EML1: variants seen among roughly 807,000 people sequenced by gnomAD.
EML1 encodes EMAP like 1.
EML1 carries 27 observed loss-of-function variants against 110.4 expected under a neutral mutation model. The ratio of observed to expected loss-of-function variants is 0.24; its 90% confidence interval spans 0.18 to 0.34. The LOEUF is 0.34. Among genes scored for constraint, EML1 ranks in the 10% least tolerant of loss-of-function variants. The probability of loss-of-function intolerance (pLI) is 1.00; values close to 1 mark genes in which losing one functional copy is unlikely to be tolerated. For synonymous variants in EML1, 344 were observed against 385.8 expected, an observed-to-expected ratio of 0.89 and a Z score of 1.27; for missense variants, 741 against 1,030.9, an observed-to-expected ratio of 0.72 and a Z score of 3.85.
chr14:99,847,730 T>C (rs542839957), intron 1 of EML1, among the ~76,000 whole-genome samples: 1 of 152,218 alleles, frequency 6.6e-6, no homozygotes, highest in Admixed American at 6.5e-5. Flanking sequence ...TTTCTGATAA[T>C]TGACCCTTTT....
At chr14:99,769,052 T>C (rs2057396040), upstream of EML1, among the ~76,000 whole-genome samples, 1 of 152,026 alleles carries the variant, frequency 6.6e-6, no homozygotes, top group Non-Finnish European at 1.5e-5. Flanking sequence ...AGTTTGGGGA[T>C]CCAGGGTGAC....
chr14:99,923,663 G>A (rs150559948), intron 17 of EML1, among the ~76,000 whole-genome samples: 360 of 152,186 alleles, frequency 2.4e-3, no homozygotes, highest in African/African-American at 8.1e-3. Context: ...GTTTATCCCC[G>A]ATTACTGTGA....
chr14:99,890,175 T>A (rs2059562475), intron 4 of EML1, among the ~76,000 whole-genome samples: 1 of 152,228 alleles, frequency 6.6e-6, no homozygotes, highest in African/African-American at 2.4e-5. Flanking sequence ...TAGCAGCATT[T>A]AAGGCACTAT....
chr14:99,750,592 G>A (rs2057164848), intron 1 of EML1, among the ~76,000 whole-genome samples: 1 of 152,170 alleles, frequency 6.6e-6, no homozygotes, highest in African/African-American at 2.4e-5. Context: ...TGCTACACAT[G>A]AACTATCACC....
At chr14:99,882,486 A>G (rs944276340) in intron 4 of EML1, among the ~76,000 whole-genome samples, 3 of 152,184 alleles carry the variant, frequency 2.0e-5, no homozygotes, top group African/African-American at 7.2e-5. Flanking sequence ...ATTTTGTTAG[A>G]ATAAGGATGT....
upstream of EML1, among the ~76,000 whole-genome samples, chr14:99,770,847 C>CG (rs2057420165): frequency 7.2e-6 from 1 of 138,422 alleles, no homozygotes; most frequent in South Asian, 2.4e-4. Flanking sequence ...TGCAGTGGCG[C>CG]GATCTCGGCT....
chr14:99,746,543 T>G (rs2057110582), intron 1 of EML1, among the ~76,000 whole-genome samples: 1 of 152,060 alleles, frequency 6.6e-6, no homozygotes, highest in African/African-American at 2.4e-5. Context: ...AACAGGAGTC[T>G]TCCTTGTAGC....
At chr14:99,828,164 C>T (rs1300510709) in intron 1 of EML1, among the ~76,000 whole-genome samples, 2 of 152,182 alleles carry the variant, frequency 1.3e-5, no homozygotes, top group Non-Finnish European at 2.9e-5. Context: ...GTTCGCTATT[C>T]TTATACAGCA....
At chr14:99,876,935 G>A (rs1296931525) in intron 3 of EML1, among the ~76,000 whole-genome samples, 1 of 152,192 alleles carries the variant, frequency 6.6e-6, no homozygotes, top group Non-Finnish European at 1.5e-5. Context: ...TGATAAATGA[G>A]ATAAGATCTC....
At chr14:99,755,004 CT>C (rs1260900894) in intron 1 of EML1, among the ~76,000 whole-genome samples, 1 of 152,216 alleles carries the variant, frequency 6.6e-6, no homozygotes, top group African/African-American at 2.4e-5. Flanking sequence ...GGTTTATCTT[CT>C]TTTCATGAGA....
Position 99,936,024 on chromosome 14 carries a change from TA to T in EML1, c.1910-4del, listed in dbSNP as rs754355823. The T allele has an allele frequency of 7.1e-5, 115 of 1,613,456 alleles. No individual in the cohort carries two copies. The highest frequency in any genetic ancestry group is 9.4e-5 in the Non-Finnish European group (111 of 1,179,558). On this transcript the variant is annotated splice_polypyrimidine_tract_variant and splice_region_variant and intron_variant, in intron 17 of 21. Transcript: ENST00000262233. The surrounding 1 kb of genome is among the most constrained non-coding windows in gnomAD (Gnocchi z 5.5). ...TCTGAAATGTAATTTGTCATCTTTTTATAGATGGGAATTTCTTAGCCATAGG... is the reference window on the plus strand; with the variant it reads ...TCTGAAATGTAATTTGTCATCTTTTTTAGATGGGAATTTCTTAGCCATAGG...
chr14:99,826,461 T>A (rs533248497), intron 1 of EML1, among the ~76,000 whole-genome samples: 14 of 152,234 alleles, frequency 9.2e-5, no homozygotes, highest in Middle Eastern at 6.8e-3. Context: ...ATTATGTGGA[T>A]GCACTGTACA....
At chr14:99,888,289 G>A (rs569843089) in intron 4 of EML1, among the ~76,000 whole-genome samples, 7 of 152,262 alleles carry the variant, frequency 4.6e-5, no homozygotes, top group South Asian at 2.1e-4. Flanking sequence ...TGTATGAAGC[G>A]TTCAGATTCC....
intron 1 of EML1, among the ~76,000 whole-genome samples, chr14:99,826,007 A>G (rs1237494327): frequency 1.3e-5 from 2 of 152,162 alleles, no homozygotes; most frequent in African/African-American, 4.8e-5. Flanking sequence ...CCGTTGTACA[A>G]CAGTAGGCAA....
chr14:99,759,284 G>A (rs1481816777), intron 1 of EML1, among the ~76,000 whole-genome samples: 1 of 152,236 alleles, frequency 6.6e-6, no homozygotes, highest in Non-Finnish European at 1.5e-5. Context: ...GCCAGGCTGG[G>A]CACACAGTAG....
chr14:99,755,035 A>G (rs886215653), intron 1 of EML1, among the ~76,000 whole-genome samples: 4 of 152,246 alleles, frequency 2.6e-5, no homozygotes, highest in African/African-American at 7.2e-5. Flanking sequence ...AGCATCCTAC[A>G]CGGGGCAGGG....
chr14:99,940,255 G>A lies in EML1; in HGVS notation c.*143G>A. Reference sequence around the variant, plus strand: ...GCCCTCCGCCGGCTACCTTAGCTTAGCGTGTCAGCGGGCGCCACAGCGGAT... The same window carrying A: ...GCCCTCCGCCGGCTACCTTAGCTTAACGTGTCAGCGGGCGCCACAGCGGAT... On this transcript the variant is annotated 3_prime_UTR_variant, in exon 22 of 22. Coordinates refer to ENST00000262233, the MANE Select transcript of EML1 (RefSeq NM_004434.3). The A allele has an allele frequency of 8.3e-7, 1 of 1,199,690 alleles. No individual in the cohort carries two copies. The highest frequency in any genetic ancestry group is 1.1e-6 in the Non-Finnish European group (1 of 921,026). 74.3% of individuals were successfully genotyped at this position (1,199,690 alleles called of 1,614,324 possible). A position where few individuals can be genotyped will look rare whatever the true frequency, so the allele number is the denominator to read the frequency against.
chr14:99,820,813 G>A (rs1312731523), intron 1 of EML1, among the ~76,000 whole-genome samples: 1 of 152,166 alleles, frequency 6.6e-6, no homozygotes, highest in African/African-American at 2.4e-5. Flanking sequence ...ACAAGGAGAT[G>A]AGGAAAAGCA....
chr14:99,855,877 A>C (rs540780411), intron 2 of EML1, among the ~76,000 whole-genome samples: 1 of 152,346 alleles, frequency 6.6e-6, no homozygotes, highest in South Asian at 2.1e-4. Context: ...ATTCCAAGAC[A>C]TCAAAACCCT....
Sources: gnomAD v4.1 joint callset for allele counts (sites outside exome capture counted in the v4.1 genomes callset) on GRCh38, gnomAD v4.1.1 for gene constraint, Gnocchi (gnomAD v3.1) non-coding constraint, MANE v1.5 for transcripts, NCBI Gene and HGNC (gene_info 2026-07-23, HGNC 2026-07-21) for gene names.